NACC2: variants seen among roughly 807,000 people sequenced by gnomAD.
NACC2 encodes the protein NACC family member 2.
A neutral mutation model predicts 25.1 loss-of-function variants in NACC2; 8 were observed. That is an observed-to-expected ratio of 0.32 (90% confidence interval 0.19 to 0.57). NACC2 has a LOEUF of 0.57. Among genes scored for constraint, NACC2 ranks in the 20% least tolerant of loss-of-function variants. The pLI is 0.89. For missense variants in NACC2, 644 were observed against 650.2 expected (o/e 0.99, Z 0.10); for synonymous variants, 435 against 294.7 (o/e 1.48, Z -4.88).
In NACC2 at chr9:136,015,802, A is replaced by G. The variant is rs145106079; in HGVS notation, c.1051+463T>C. ...AAATCTACAAGGAGCTATGACGCCA[A>G]AGGAATCCAACACAAAAGGTAAATT... On this transcript the variant is annotated intron_variant, in intron 3 of 5. Coordinates refer to ENST00000277554, the MANE Select transcript of NACC2 (RefSeq NM_144653.5). 7.4e-3 allele frequency among the ~76,000 whole-genome samples: 1,121 copies of G among 152,330 alleles called. 14 individuals carry two copies. Among genetic ancestry groups the G allele is most frequent in the African/African-American group, 0.026 (1,080 of 41,560 alleles).
In NACC2 at chr9:136,061,948, C is replaced by T. The variant is rs549450179; in HGVS notation, c.-59-11368G>A. On this transcript the variant is annotated intron_variant, in intron 1 of 5. Coordinates refer to ENST00000277554, the MANE Select transcript of NACC2 (RefSeq NM_144653.5). ...TAGCCTGGCCACCATGGCGAAATCC[C>T]ATCCCTACTAAAAATACAAAAATTA... Among the ~76,000 whole-genome samples the T allele has an allele frequency of 1.7e-4, 26 of 152,252 alleles. No individual in the cohort carries two copies. The East Asian group carries it at 4.1e-3, about 24-fold the overall frequency.
intron 1 of NACC2, among the ~76,000 whole-genome samples, chr9:136,058,969 G>A (rs1014775781): frequency 2.0e-5 from 3 of 152,190 alleles, no homozygotes; most frequent in African/African-American, 4.8e-5. Context: ...TGTGGGAGGC[G>A]TGACTCTGGC....
rs988735430 is a variant in NACC2, at chr9:136,051,689, G to A, written c.-59-1109C>T. Among the ~76,000 whole-genome samples, 3 of 152,066 alleles carry A rather than the reference G, an allele frequency of 2.0e-5. No homozygotes were observed. In the South Asian group the frequency reaches 6.2e-4, roughly 31 times the overall value. Reference sequence around the variant, plus strand: ...ACGCGCGCCGGGGGCGGCCCGCAGTGCCCCCGCTGCGGAGAAGTTGCCGGC... The same window carrying A: ...ACGCGCGCCGGGGGCGGCCCGCAGTACCCCCGCTGCGGAGAAGTTGCCGGC... On this transcript the variant is annotated intron_variant, in intron 1 of 5. Coordinates refer to ENST00000277554, the MANE Select transcript of NACC2 (RefSeq NM_144653.5).
intron 2 of NACC2, among the ~76,000 whole-genome samples, chr9:136,037,961 A>G (rs147171392): frequency 0.016 from 2,508 of 152,336 alleles, 27 homozygotes; most frequent in South Asian, 0.026. Context: ...TAACCAGTGA[A>G]TGCGTACACA....
intron 1 of NACC2, among the ~76,000 whole-genome samples, chr9:136,051,044 AG>A (rs1390318026): frequency 3.7e-4 from 57 of 152,118 alleles, no homozygotes; most frequent in South Asian, 1.9e-3. Flanking sequence ...GGAGGGAGGG[AG>A]GGGGGTCTCT....
chr9:136,088,754 C>T (rs1031522485), intron 1 of NACC2, among the ~76,000 whole-genome samples: 2 of 152,180 alleles, frequency 1.3e-5, no homozygotes, highest in African/African-American at 2.4e-5. Flanking sequence ...CTAGGGTCCC[C>T]TGGCCACAGA....
chr9:136,033,211 G>A (rs1192624931), intron 2 of NACC2, among the ~76,000 whole-genome samples: 6 of 151,060 alleles, frequency 4.0e-5, no homozygotes, highest in Admixed American at 2.6e-4. Context: ...TAAAATTCAA[G>A]ATAATCTGCA....
chr9:136,030,334 G>A (rs1000332775), intron 2 of NACC2, among the ~76,000 whole-genome samples: 102 of 152,236 alleles, frequency 6.7e-4, no homozygotes, highest in African/African-American at 2.4e-3. Context: ...TGGAGGCCGG[G>A]CGCGGTGGCT....
rs936606202 is a variant in NACC2, at chr9:136,020,433, G to C, written c.887-4004C>G. 2.6e-5 allele frequency among the ~76,000 whole-genome samples: 4 copies of C among 152,086 alleles called. No individual in the cohort carries two copies. Among genetic ancestry groups the C allele is most frequent in the African/African-American group, 7.2e-5 (3 of 41,410 alleles). On this transcript the variant is annotated intron_variant, in intron 2 of 5. Coordinates refer to ENST00000277554, the MANE Select transcript of NACC2 (RefSeq NM_144653.5). This position sits in a 1 kb window ranked among gnomAD's most constrained non-coding sequence, Gnocchi z 4.7. ...GAGTGTGTCATCGGGGACTCGCCCA[G>C]GTGACACCATCAGAGACCACGCAGG...
At chr9:136,031,397 G>A (rs1840470456) in intron 2 of NACC2, among the ~76,000 whole-genome samples, 1 of 152,084 alleles carries the variant, frequency 6.6e-6, no homozygotes, top group Non-Finnish European at 1.5e-5. Context: ...GGGTGCAGTG[G>A]CACAATCTCG....
chr9:136,041,950 T>C (rs1443985862), intron 2 of NACC2, among the ~76,000 whole-genome samples: 2 of 152,190 alleles, frequency 1.3e-5, no homozygotes, highest in Non-Finnish European at 2.9e-5. Flanking sequence ...AGTAATCTTT[T>C]AGTTAGAGAT....
chr9:136,017,188 G>T (rs1840216340), intron 2 of NACC2, among the ~76,000 whole-genome samples: 1 of 152,188 alleles, frequency 6.6e-6, no homozygotes, highest in South Asian at 2.1e-4. Context: ...CACTGCTGGG[G>T]CAGATGACGG....
At chr9:136,016,148 T>G in intron 3 of NACC2, 117 bp downstream of exon 3, 1 of 1,173,644 alleles carries the variant, frequency 8.5e-7, no homozygotes, top group East Asian at 2.5e-5. Context: ...AGAGGAAATT[T>G]AAGATTTTTT....
At chr9:136,041,106 A>AGGAAGGAAAGGAG (rs1383113817) in intron 2 of NACC2, among the ~76,000 whole-genome samples, 1 of 151,600 alleles carries the variant, frequency 6.6e-6, no homozygotes, top group Non-Finnish European at 1.5e-5. Context: ...AAGGAAAGGA[A>AGGAAGGAAAGGAG]GGAAGGAAAG....
In NACC2 at chr9:136,022,865, A is replaced by G. The variant is rs902498593; in HGVS notation, c.887-6436T>C. ...GCCACCAATTTAATCATGCCACGCC[A>G]TAACTGGGAAGGCAAACCATCACCA... On this transcript the variant is annotated intron_variant, in intron 2 of 5. Transcript: ENST00000277554. This position sits in a 1 kb window ranked among gnomAD's most constrained non-coding sequence, Gnocchi z 4.4. 3.0e-4 allele frequency among the ~76,000 whole-genome samples: 46 copies of G among 151,372 alleles called. No individual in the cohort carries two copies. The highest frequency in any genetic ancestry group is 3.2e-3 in the Middle Eastern group (1 of 316).
At chr9:136,077,697 C>T (rs1457001177) in intron 1 of NACC2, among the ~76,000 whole-genome samples, 1 of 152,158 alleles carries the variant, frequency 6.6e-6, no homozygotes, top group Admixed American at 6.5e-5. Flanking sequence ...GTGTGGTCAC[C>T]CGGGAAATGC....
intron 2 of NACC2, among the ~76,000 whole-genome samples, chr9:136,046,004 A>C (rs1400303472): frequency 6.6e-6 from 1 of 152,078 alleles, no homozygotes; most frequent in African/African-American, 2.4e-5. Context: ...CCTGAGCCCC[A>C]GCGGGAATGC....
intron 2 of NACC2, among the ~76,000 whole-genome samples, chr9:136,031,100 A>T (rs1254611768): frequency 6.6e-6 from 1 of 152,218 alleles, no homozygotes; most frequent in Non-Finnish European, 1.5e-5. Context: ...TCTCCCTACA[A>T]AGAACTCCAG....
chr9:136,077,612 A>C (rs1043118823), intron 1 of NACC2, among the ~76,000 whole-genome samples: 5 of 152,050 alleles, frequency 3.3e-5, no homozygotes, highest in Non-Finnish European at 7.4e-5. Context: ...CAGAGGAGGG[A>C]GGGGCAAGAG....
Sources: allele counts gnomAD v4.1 joint callset (sites outside exome capture counted in the v4.1 genomes callset), GRCh38; gene constraint gnomAD v4.1.1; non-coding constraint Gnocchi (gnomAD v3.1); transcripts MANE v1.5; gene names NCBI Gene and HGNC (gene_info 2026-07-23, HGNC 2026-07-21).